STX8: variants seen among roughly 807,000 people sequenced by gnomAD.
The protein encoded by STX8 is syntaxin-8.
A neutral mutation model predicts 37.5 loss-of-function variants in STX8; 23 were observed. The ratio of observed to expected loss-of-function variants is 0.61; its 90% CI spans 0.44 to 0.87. STX8 has a LOEUF of 0.87. Ranked by LOEUF, STX8 falls within the 40% of genes least tolerant of loss-of-function variation. STX8 has a pLI of 0.00. For synonymous variants in STX8, 115 were observed against 99.1 expected, an observed-to-expected ratio of 1.16 and a Z score of -0.95; for missense variants, 313 against 284.7, an observed-to-expected ratio of 1.10 and a Z score of -0.71.
rs550284371 is a variant in STX8 at position 9,491,989 on chromosome 17, C to T, written c.449-68G>A. ...AACAACTTAAAGTCCATAAGTATACCCAGGCATATAACACAAGTTGACATA... is the reference window on the plus strand; with the variant it reads ...AACAACTTAAAGTCCATAAGTATACTCAGGCATATAACACAAGTTGACATA... On this transcript the variant is annotated intron_variant, in intron 5 of 7. Transcript: ENST00000306357. 3 of 1,102,488 alleles carry T rather than the reference C, an allele frequency of 2.7e-6. No individual in the cohort carries two copies. The East Asian group carries it at 7.2e-5, about 27-fold the overall frequency. The allele number at this position is 1,102,488 out of a possible 1,614,324, so 68.3% of individuals were successfully genotyped here.
intron 7 of STX8, among the ~76,000 whole-genome samples, chr17:9,327,225 A>AAGGAGGAAGAAGGAGGAAGG (rs1567784918): frequency 6.8e-6 from 1 of 147,974 alleles, no homozygotes; most frequent in African/African-American, 2.6e-5. Context: ...AAGGAGGAAG[A>AAGGAGGAAGAAGGAGGAAGG]AGGAGGAAGG....
chr17:9,438,678 C>A (rs1031378027), intron 6 of STX8, among the ~76,000 whole-genome samples: 1 of 152,146 alleles, frequency 6.6e-6, no homozygotes, highest in Non-Finnish European at 1.5e-5. Flanking sequence ...TCTGTAATCC[C>A]AGCACTTTGG....
At chr17:9,285,004 G>C (rs2142156439) in intron 7 of STX8, among the ~76,000 whole-genome samples, 1 of 152,216 alleles carries the variant, frequency 6.6e-6, no homozygotes, top group Non-Finnish European at 1.5e-5. Context: ...AAGTTTTCTG[G>C]AATACTAGGT....
intron 7 of STX8, among the ~76,000 whole-genome samples, chr17:9,295,991 C>G (rs1346407167): frequency 6.6e-6 from 1 of 151,782 alleles, no homozygotes; most frequent in Non-Finnish European, 1.5e-5. Context: ...GAGATTGAGA[C>G]CATCCTGGCT....
intron 7 of STX8, among the ~76,000 whole-genome samples, chr17:9,315,795 T>C (rs1342561834): frequency 1.3e-5 from 2 of 152,124 alleles, no homozygotes; most frequent in East Asian, 3.9e-4. Context: ...GCAGACTGCC[T>C]GAGCTCAGGA....
chr17:9,532,306 T>C (rs1378264229), intron 4 of STX8, among the ~76,000 whole-genome samples: 1 of 152,236 alleles, frequency 6.6e-6, no homozygotes, highest in Non-Finnish European at 1.5e-5. Context: ...AGAGTATTAC[T>C]TTAAGCCTTC....
chr17:9,281,685 G>A (rs1350149156), intron 7 of STX8, among the ~76,000 whole-genome samples: 2 of 152,198 alleles, frequency 1.3e-5, no homozygotes, highest in South Asian at 2.1e-4. Context: ...TGTAATCCCA[G>A]CACTTTGGGA....
intron 7 of STX8, among the ~76,000 whole-genome samples, chr17:9,365,812 A>G (rs1444104411): frequency 6.6e-6 from 1 of 152,158 alleles, no homozygotes; most frequent in Non-Finnish European, 1.5e-5. Context: ...TCTCTATTAA[A>G]AATACAAAAA....
chr17:9,396,336 G>C (rs1248609911), intron 6 of STX8, among the ~76,000 whole-genome samples: 1 of 144,958 alleles, frequency 6.9e-6, no homozygotes, highest in East Asian at 2.2e-4. Flanking sequence ...AGAAAGGGGG[G>C]AGTGATAAAT....
chr17:9,254,129 G>A (rs1202941538), intron 7 of STX8, among the ~76,000 whole-genome samples: 1 of 152,172 alleles, frequency 6.6e-6, no homozygotes, highest in East Asian at 1.9e-4. Flanking sequence ...GGCCAAGGGG[G>A]TCTTGCACAG....
intron 7 of STX8, among the ~76,000 whole-genome samples, chr17:9,266,286 C>T (rs78657272): frequency 4.6e-5 from 7 of 152,296 alleles, no homozygotes; most frequent in South Asian, 4.2e-4. Context: ...CCCCAGCCAG[C>T]GCACCGGAGC....
At chr17:9,388,170 C>A (rs1184796270) in intron 6 of STX8, among the ~76,000 whole-genome samples, 1 of 150,354 alleles carries the variant, frequency 6.7e-6, no homozygotes, top group African/African-American at 2.5e-5. Flanking sequence ...CTCCCAGGTT[C>A]AAGTGATTCT....
chr17:9,392,255 A>G (rs1401940200), intron 6 of STX8, among the ~76,000 whole-genome samples: 1 of 152,236 alleles, frequency 6.6e-6, no homozygotes, highest in African/African-American at 2.4e-5. Context: ...CAAGTTGCAT[A>G]AGAAACCTGG....
At chr17:9,327,327 AGAGAAG>A (rs957637328) in intron 7 of STX8, among the ~76,000 whole-genome samples, 19 of 149,668 alleles carry the variant, frequency 1.3e-4, no homozygotes, top group Admixed American at 2.7e-4. Context: ...AAGAAGGAGA[AGAGAAG>A]GAGAAGGAGG....
At chr17:9,365,018 G>A (rs1006650816) in intron 7 of STX8, among the ~76,000 whole-genome samples, 28 of 152,248 alleles carry the variant, frequency 1.8e-4, no homozygotes, top group African/African-American at 5.3e-4. Context: ...ATGAGGAGAA[G>A]AGAAAGTGAT....
chr17:9,456,674 ACT>A (rs1277143855), intron 6 of STX8, among the ~76,000 whole-genome samples: 1 of 152,098 alleles, frequency 6.6e-6, no homozygotes, highest in Non-Finnish European at 1.5e-5. Flanking sequence ...CAGAAAAGAG[ACT>A]CTGAATGCCT....
chr17:9,336,584 C>T (rs573696377), intron 7 of STX8, among the ~76,000 whole-genome samples: 10 of 152,092 alleles, frequency 6.6e-5, no homozygotes, highest in South Asian at 2.1e-4. Flanking sequence ...TGCAGGCGCC[C>T]GCCAACACGT....
Position 9,491,932 on chromosome 17 carries a change from A to G in STX8, c.449-11T>C, listed in dbSNP as rs765235228. The G allele has an allele frequency of 6.3e-7, 1 of 1,585,108 alleles. No homozygotes were observed. Among genetic ancestry groups the G allele is most frequent in the Non-Finnish European group, 8.6e-7 (1 of 1,163,172 alleles). On this transcript the variant is annotated splice_polypyrimidine_tract_variant and intron_variant, in intron 5 of 7. Coordinates refer to ENST00000306357, the MANE Select transcript of STX8 (RefSeq NM_004853.3). ...GGCCTGCGTCCTGTTCTGAAAGAAAAAAGAAAAATAATTAACTAGAAACTA... is the reference window on the plus strand; with the variant it reads ...GGCCTGCGTCCTGTTCTGAAAGAAAGAAGAAAAATAATTAACTAGAAACTA...
intron 5 of STX8, among the ~76,000 whole-genome samples, chr17:9,492,170 T>C (rs1408879640): frequency 6.6e-6 from 1 of 152,168 alleles, no homozygotes; most frequent in Non-Finnish European, 1.5e-5. Context: ...CATGAACATT[T>C]AAACTTTCTG....
Sources: gnomAD v4.1 joint callset for allele counts (sites outside exome capture counted in the v4.1 genomes callset) on GRCh38, gnomAD v4.1.1 for gene constraint, MANE v1.5 for transcripts, NCBI Gene and HGNC (gene_info 2026-07-23, HGNC 2026-07-21) for gene names.